DOCK2: variants seen among roughly 807,000 people sequenced by gnomAD.
The protein encoded by DOCK2 is dedicator of cytokinesis protein 2.
DOCK2 carries 87 observed loss-of-function variants against 248.9 expected under a neutral mutation model. The observed-to-expected ratio is 0.35, with a 90% CI of 0.29 to 0.42. DOCK2 has a LOEUF of 0.42. DOCK2 is among the 10% of genes least tolerant of loss of function. The pLI, the probability that DOCK2 is intolerant of heterozygous loss-of-function variation, is 1.00. For synonymous variants in DOCK2, 805 were observed against 821.6 expected (o/e 0.98, Z 0.35); for missense variants, 1,747 against 2,300.2 (o/e 0.76, Z 4.92).
chr5:170,019,836 G>A (rs1755659927), intron 33 of DOCK2, among the ~76,000 whole-genome samples: 2 of 151,952 alleles, frequency 1.3e-5, no homozygotes, highest in African/African-American at 4.8e-5. Context: ...GTCCCATCAA[G>A]GCTGCCTGAG....
chr5:170,003,806 T>C (rs2113805283), intron 30 of DOCK2, among the ~76,000 whole-genome samples: 1 of 152,338 alleles, frequency 6.6e-6, no homozygotes, highest in South Asian at 2.1e-4. Flanking sequence ...AGAGGCCTTA[T>C]AAGTATTCAG....
intron 26 of DOCK2, among the ~76,000 whole-genome samples, chr5:169,833,514 G>A (rs1220561028): frequency 6.6e-6 from 1 of 152,146 alleles, no homozygotes; most frequent in African/African-American, 2.4e-5. Context: ...GTAGTACCAG[G>A]TGCCCCTGCA....
At position 169,670,473 on chromosome 5, in the gene DOCK2, G is replaced by A. The variant is rs944193534; in HGVS notation, c.169-69G>A. 1.9e-6 allele frequency: 3 copies of A among 1,563,334 alleles called. No individual in the cohort carries two copies. In the African/African-American group the frequency reaches 4.1e-5, roughly 22 times the overall value. On this transcript the variant is annotated intron_variant, in intron 3 of 51. Transcript: ENST00000520908. Reference sequence around the variant, plus strand: ...TTTGGAAAAAAATTATAAAGACGTAGGGTCATTCATTTCTGTGGTGATATA... The same window carrying A: ...TTTGGAAAAAAATTATAAAGACGTAAGGTCATTCATTTCTGTGGTGATATA...
intron 27 of DOCK2, among the ~76,000 whole-genome samples, chr5:169,926,036 T>C (rs1775432624): frequency 6.6e-6 from 1 of 152,200 alleles, no homozygotes; most frequent in Non-Finnish European, 1.5e-5. Context: ...CAGCTCTGGT[T>C]AGTCTCTGAG....
chr5:169,661,939 T>C (rs887908835), intron 2 of DOCK2, among the ~76,000 whole-genome samples: 7 of 152,246 alleles, frequency 4.6e-5, no homozygotes, highest in African/African-American at 7.2e-5. Context: ...TATAGACATA[T>C]TTGCAAGACA....
intron 25 of DOCK2, among the ~76,000 whole-genome samples, chr5:169,783,907 C>A (rs534480392): frequency 6.6e-6 from 1 of 152,204 alleles, no homozygotes; most frequent in Non-Finnish European, 1.5e-5. Flanking sequence ...AATCTACTGT[C>A]TCCTAGGAAG....
At chr5:169,729,092 T>G (rs1762631459) in intron 22 of DOCK2, among the ~76,000 whole-genome samples, 1 of 152,220 alleles carries the variant, frequency 6.6e-6, no homozygotes. Context: ...GCTCAGAGAA[T>G]GACTTGGGTG....
intron 25 of DOCK2, among the ~76,000 whole-genome samples, chr5:169,767,606 C>G (rs1764864803): frequency 6.6e-6 from 1 of 152,184 alleles, no homozygotes; most frequent in Admixed American, 6.5e-5. Context: ...TGAGCTGTAG[C>G]TTCTTTAGCT....
At chr5:169,713,518 T>A (rs1761702122) in intron 17 of DOCK2, among the ~76,000 whole-genome samples, 1 of 151,940 alleles carries the variant, frequency 6.6e-6, no homozygotes, top group Admixed American at 6.6e-5. Context: ...TTCTAGGAAG[T>A]AGGGATGATG....
chr5:169,787,121 C>T lies in DOCK2; in HGVS notation c.2555-15937C>T, dbSNP rs551425517. Among the ~76,000 whole-genome samples, 105 of 152,274 alleles carry T rather than the reference C, an allele frequency of 6.9e-4. 1 individual carries two copies. The highest frequency in any genetic ancestry group is 2.5e-3 in the African/African-American group (102 of 41,544). ...ATACAGAGAGGTTAAGTGATTTCTCCAAGATCACACAGACAATAACCGATA... is the reference window on the plus strand; with the variant it reads ...ATACAGAGAGGTTAAGTGATTTCTCTAAGATCACACAGACAATAACCGATA... On this transcript the variant is annotated intron_variant, in intron 25 of 51. Transcript: ENST00000520908.
At chr5:169,994,040 T>C (rs1778274984) in intron 29 of DOCK2, among the ~76,000 whole-genome samples, 1 of 152,208 alleles carries the variant, frequency 6.6e-6, no homozygotes. Flanking sequence ...AAGAATAGAA[T>C]TGTCCTTAAC....
rs60633555 is a variant in DOCK2, at chr5:169,776,210, T to A, written c.2554+14585T>A. The stretch of plus-strand genomic sequence containing the variant: ...ATAGGTCTCACTCTGTTGCCCAGTC[T>A]AGAGTGCAGTGGCATGATCATAGCT... On this transcript the variant is annotated intron_variant, in intron 25 of 51. Transcript: ENST00000520908. 1.4e-3 allele frequency among the ~76,000 whole-genome samples: 203 copies of A among 150,306 alleles called. 2 individuals carry two copies. The highest frequency in any genetic ancestry group is 4.5e-3 in the African/African-American group (185 of 41,002).
chr5:169,894,272 A>G (rs747880714), intron 27 of DOCK2, among the ~76,000 whole-genome samples: 1 of 152,216 alleles, frequency 6.6e-6, no homozygotes, highest in Non-Finnish European at 1.5e-5. Flanking sequence ...AAAGGACAGC[A>G]GAAATTTCAT....
chr5:169,960,532 A>T lies in DOCK2; in HGVS notation c.2800-22536A>T, dbSNP rs61071716. Among the ~76,000 whole-genome samples, 3 of 152,338 alleles carry T rather than the reference A, an allele frequency of 2.0e-5. No individual in the cohort carries two copies. In the South Asian group the frequency reaches 6.2e-4, roughly 32 times the overall value. On this transcript the variant is annotated intron_variant, in intron 27 of 51. Transcript: ENST00000520908. ...GGAAAATTATTGATTAGAAAGAAAC[A>T]TGAGGTTCTAAGATAGGTTTTCAAG...
intron 22 of DOCK2, among the ~76,000 whole-genome samples, chr5:169,726,248 T>A (rs1762467894): frequency 6.6e-6 from 1 of 152,242 alleles, no homozygotes; most frequent in Non-Finnish European, 1.5e-5. Context: ...TGCATTTCCC[T>A]AATGACCAGT....
intron 29 of DOCK2, among the ~76,000 whole-genome samples, chr5:169,995,442 T>A (rs1051358726): frequency 6.6e-6 from 1 of 152,048 alleles, no homozygotes; most frequent in Non-Finnish European, 1.5e-5. Flanking sequence ...CAGAAAAAAC[T>A]GAGAAAAAAA....
At chr5:169,809,611 G>A (rs1767614281) in intron 26 of DOCK2, among the ~76,000 whole-genome samples, 1 of 152,118 alleles carries the variant, frequency 6.6e-6, no homozygotes, top group African/African-American at 2.4e-5. Context: ...AGGAGGCTTT[G>A]AGTGTGGAAG....
intron 32 of DOCK2, among the ~76,000 whole-genome samples, chr5:170,018,100 T>C (rs1755597345): frequency 6.6e-6 from 1 of 152,162 alleles, no homozygotes; most frequent in African/African-American, 2.4e-5. Context: ...ATTCGACATA[T>C]AAAGATATCA....
intron 29 of DOCK2, among the ~76,000 whole-genome samples, chr5:169,990,161 C>T (rs1017038214): frequency 3.9e-5 from 6 of 151,990 alleles, no homozygotes; most frequent in East Asian, 3.9e-4. Flanking sequence ...TGCAATGGCA[C>T]GATCTCAGCT....
Sources: allele counts gnomAD v4.1 joint callset (sites outside exome capture counted in the v4.1 genomes callset), GRCh38; gene constraint gnomAD v4.1.1; transcripts MANE v1.5; gene names NCBI Gene and HGNC (gene_info 2026-07-23, HGNC 2026-07-21).